ITPR1: variants seen among roughly 807,000 people sequenced by gnomAD.
ITPR1 encodes inositol 1,4,5-trisphosphate receptor type 1.
Under a neutral mutation model 318.4 loss-of-function variants are expected in ITPR1, and 96 were observed. The ratio of observed to expected loss-of-function variants is 0.30; its 90% CI spans 0.26 to 0.36. ITPR1 has a LOEUF of 0.36. ITPR1 is among the 10% of genes least tolerant of loss of function. The pLI is 1.00. For synonymous variants in ITPR1, 1,312 were observed against 1,289.9 expected, an observed-to-expected ratio of 1.02 and a Z score of -0.37; for missense variants, 2,440 against 3,460.2, an observed-to-expected ratio of 0.71 and a Z score of 7.40.
At chr3:4,719,288 C>T (rs2041982396) in intron 40 of ITPR1, among the ~76,000 whole-genome samples, 1 of 152,214 alleles carries the variant, frequency 6.6e-6, no homozygotes, top group South Asian at 2.1e-4. Flanking sequence ...CTGGCAACTG[C>T]CAGCGCTGGG....
At chr3:4,693,368 G>T (rs2094508898) in intron 32 of ITPR1, 122 bp from the exon 33 acceptor site, 2 of 1,092,714 alleles carry the variant, frequency 1.8e-6, no homozygotes, top group African/African-American at 1.6e-5. Flanking sequence ...GTCAAAATAG[G>T]TAAGACTGAT....
intron 53 of ITPR1, among the ~76,000 whole-genome samples, chr3:4,796,497 C>T (rs1048749634): frequency 9.2e-5 from 14 of 152,294 alleles, no homozygotes; most frequent in South Asian, 6.2e-4. Flanking sequence ...GGTCTCCTTT[C>T]GCCTCAGGGA....
Position 4,702,922 on chromosome 3 carries a change from G to T in ITPR1, c.4629G>T (p.Glu1543Asp), listed in dbSNP as rs1282019380. The change falls in exon 36 of 62, where the codon GAG (glutamate) becomes GAT (aspartate). Residue 1543 changes from glutamate (E) to aspartate (D), a missense_variant. Glu to Asp is a conservative substitution (Grantham distance 45). This residue lies in a region of ITPR1 where 166 missense variants were observed against 246.5 expected (regional missense o/e 0.67). Coordinates refer to ENST00000649015, the MANE Select transcript of ITPR1 (RefSeq NM_001378452.1). ...TGCCAAGCCAAAAAGCCTCCGTGGA[G>T]AGCTGTATTCGGGTGCTGTCTGATG... Reference protein sequence around the residue: ...WLMPSQKASVESCIRVLSDVA... With the variant: ...WLMPSQKASVDSCIRVLSDVA... 1.9e-6 allele frequency: 3 copies of T among 1,613,974 alleles called. No individual in the cohort carries two copies. The highest frequency in any genetic ancestry group is 2.7e-5 in the African/African-American group (2 of 75,040).
chr3:4,836,124 C>T (rs939403816), intron 60 of ITPR1, among the ~76,000 whole-genome samples: 40 of 152,144 alleles, frequency 2.6e-4, no homozygotes, highest in Non-Finnish European at 1.2e-4. Flanking sequence ...TTAAAATTCA[C>T]TTCACTTCAA....
intron 18 of ITPR1, among the ~76,000 whole-genome samples, chr3:4,668,279 C>T (rs983360831): frequency 6.7e-6 from 1 of 149,180 alleles, no homozygotes; most frequent in Admixed American, 6.7e-5. Context: ...CACTATCTTT[C>T]CCAGCCTCTG....
At chr3:4,761,700 CCGG>C (rs1254153432) in intron 44 of ITPR1, among the ~76,000 whole-genome samples, 6 of 152,116 alleles carry the variant, frequency 3.9e-5, no homozygotes, top group Admixed American at 2.0e-4. Flanking sequence ...GAAAGAGGTT[CCGG>C]GAGGGAGAGA....
Position 4,653,191 on chromosome 3 carries a change from C to A in ITPR1, c.952-651C>A, listed in dbSNP as rs181599735. ...TGCATCAAAAGACCCCCACTGTTGT[C>A]TGGGACCACCCATGAGACTACTGAG... On this transcript the variant is annotated intron_variant, in intron 11 of 61. Transcript: ENST00000649015. 5.7e-4 allele frequency among the ~76,000 whole-genome samples: 87 copies of A among 152,308 alleles called. 1 individual carries two copies. Among genetic ancestry groups the A allele is most frequent in the Non-Finnish European group, 8.4e-4 (57 of 68,024 alleles).
At chr3:4,626,738 C>A (rs2092839406) in intron 4 of ITPR1, among the ~76,000 whole-genome samples, 2 of 152,184 alleles carry the variant, frequency 1.3e-5, no homozygotes, top group Non-Finnish European at 2.9e-5. Flanking sequence ...TATATATTTT[C>A]TTTCTGTGTC....
chr3:4,568,192 ATGT>A (rs1352306581), intron 4 of ITPR1, among the ~76,000 whole-genome samples: 7 of 152,174 alleles, frequency 4.6e-5, no homozygotes, highest in Non-Finnish European at 2.9e-5. Flanking sequence ...GTAGCTAGTG[ATGT>A]TGTTGTGGAG....
intron 16 of ITPR1, among the ~76,000 whole-genome samples, 168 bp from the exon 17 acceptor site, chr3:4,664,970 C>T (rs1181365135): frequency 6.6e-6 from 1 of 152,176 alleles, no homozygotes; most frequent in African/African-American, 2.4e-5. Context: ...CAGCGCGTCT[C>T]CCATCTCAGT....
intron 4 of ITPR1, among the ~76,000 whole-genome samples, chr3:4,623,137 C>T (rs138717748): frequency 6.6e-6 from 1 of 152,190 alleles, no homozygotes; most frequent in Non-Finnish European, 1.5e-5. Context: ...TTGCTCCCAT[C>T]TCCTCTTAAG....
In ITPR1 at chr3:4,783,884, C is replaced by A. The variant is rs35343277; in HGVS notation, c.6579C>A (p.Ala2193=). Residue 2193 remains alanine (A), a synonymous_variant, in exon 51 of 62, where the codon GCC becomes GCA. Transcript: ENST00000649015. Reference sequence around the variant, plus strand: ...GTGGCCAAGTGGACGGAGATGAAGCCCTGGAGTTTTATGCCAAGCACACGG... The same window carrying A: ...GTGGCCAAGTGGACGGAGATGAAGCACTGGAGTTTTATGCCAAGCACACGG... The part of the protein sequence containing the change: ...KPGGQVDGDE[A]LEFYAKHTAQ... The A allele has an allele frequency of 1.2e-4, 188 of 1,609,848 alleles. No homozygotes were observed. Among genetic ancestry groups the A allele is most frequent in the Non-Finnish European group, 1.5e-4 (182 of 1,178,266 alleles).
chr3:4,770,287 C>T (rs761459143), intron 46 of ITPR1, among the ~76,000 whole-genome samples: 1 of 152,196 alleles, frequency 6.6e-6, no homozygotes, highest in Non-Finnish European at 1.5e-5. Context: ...AAACTTGCCA[C>T]AGAGTCTATG....
intron 10 of ITPR1, among the ~76,000 whole-genome samples, chr3:4,649,061 C>T (rs74509563): frequency 0.021 from 3,169 of 152,150 alleles, 112 homozygotes; most frequent in African/African-American, 0.072. Flanking sequence ...CTCAGAACCA[C>T]TTCTCATGTG....
intron 4 of ITPR1, among the ~76,000 whole-genome samples, chr3:4,622,237 C>T (rs867285838): frequency 3.3e-5 from 5 of 151,310 alleles, no homozygotes; most frequent in Non-Finnish European, 7.4e-5. Flanking sequence ...GCCTCAGCCT[C>T]CTGAGTAGCT....
chr3:4,522,130 T>TG (rs769689779), intron 4 of ITPR1, among the ~76,000 whole-genome samples: 27 of 152,180 alleles, frequency 1.8e-4, no homozygotes, highest in Non-Finnish European at 3.4e-4. Flanking sequence ...AATAGATGCT[T>TG]GGGGCTCCAT....
chr3:4,657,937 G>A (rs753852268), intron 12 of ITPR1, among the ~76,000 whole-genome samples, 187 bp from the exon 13 acceptor site: 2 of 152,194 alleles, frequency 1.3e-5, no homozygotes, highest in Non-Finnish European at 2.9e-5. Context: ...AAGAGGTAGA[G>A]CGTAAATATC....
At position 4,710,609 on chromosome 3, in the gene ITPR1, C is replaced by CCTG; in HGVS notation, c.4991+136_4991+137insCTG. On this transcript the variant is annotated intron_variant, in intron 38 of 61. Transcript: ENST00000649015. The surrounding 1 kb of genome is among the most constrained non-coding windows in gnomAD (Gnocchi z 4.2). ...CAAGGTCATGTGCTAAAGTCCTGTT[C>CCTG]TGACCTCCCCAAAGTAAGTTTGTCT... The CCTG allele has an allele frequency of 1.3e-6, 1 of 772,778 alleles. No individual in the cohort carries two copies. The highest frequency in any genetic ancestry group is 2.3e-5 in the South Asian group (1 of 44,092). The allele number at this position is 772,778 out of a possible 1,614,324, so 47.9% of individuals were successfully genotyped here.
intron 4 of ITPR1, among the ~76,000 whole-genome samples, chr3:4,551,096 A>G (rs2085520653): frequency 6.6e-6 from 1 of 152,190 alleles, no homozygotes. Context: ...AGGGGACAGC[A>G]ACTTGGAAGA....
Sources: allele counts gnomAD v4.1 joint callset (sites outside exome capture counted in the v4.1 genomes callset), GRCh38; gene constraint gnomAD v4.1.1; regional missense constraint gnomAD v4.1.1; non-coding constraint Gnocchi (gnomAD v3.1); transcripts MANE v1.5; gene names NCBI Gene and HGNC (gene_info 2026-07-23, HGNC 2026-07-21).